The following CSMD3 variants were observed in gnomAD, a reference collection of about 807,000 sequenced individuals.
CSMD3 encodes CUB and Sushi multiple domains 3, also known as CUB and sushi domain-containing protein 3.
In CSMD3, 177 loss-of-function variants were observed where a neutral mutation model predicts 435.2. The observed-to-expected ratio is 0.41, with a 90% confidence interval of 0.36 to 0.46. The LOEUF is 0.46. Among genes scored for constraint, CSMD3 ranks in the 20% least tolerant of loss-of-function variants. CSMD3 has a pLI of 0.34. For synonymous variants in CSMD3, 1,656 were observed against 1,520.5 expected, an observed-to-expected ratio of 1.09 and a Z score of -2.07; for missense variants, 4,265 against 4,504.6, an observed-to-expected ratio of 0.95 and a Z score of 1.52.
intron 15 of CSMD3, among the ~76,000 whole-genome samples, chr8:112,684,960 T>C (rs1393603509): frequency 1.3e-5 from 2 of 152,146 alleles, no homozygotes; most frequent in Non-Finnish European, 1.5e-5. Flanking sequence ...AGCCATGTGA[T>C]TTTTTCTTTG....
At chr8:112,860,386 A>G (rs2080793663) in intron 10 of CSMD3, among the ~76,000 whole-genome samples, 1 of 151,820 alleles carries the variant, frequency 6.6e-6, no homozygotes, top group African/African-American at 2.4e-5. Flanking sequence ...ATTTTAACCA[A>G]TAAAATCATA....
chr8:112,606,196 G>C (rs540795011), intron 22 of CSMD3, among the ~76,000 whole-genome samples: 36 of 152,286 alleles, frequency 2.4e-4, no homozygotes, highest in Non-Finnish European at 4.3e-4. Context: ...CTGTACCCCA[G>C]GGTGGCACAG....
intron 3 of CSMD3, among the ~76,000 whole-genome samples, chr8:113,195,164 T>G (rs770299748): frequency 4.0e-5 from 6 of 150,486 alleles, no homozygotes; most frequent in Admixed American, 6.7e-5. Flanking sequence ...CTTTCTTTCT[T>G]ACAAAAAACA....
At chr8:112,807,924 CT>C (rs1563980883) in intron 12 of CSMD3, among the ~76,000 whole-genome samples, 1 of 152,128 alleles carries the variant, frequency 6.6e-6, no homozygotes, top group African/African-American at 2.4e-5. Flanking sequence ...AAAGTAACCC[CT>C]ATACCATACT....
At chr8:112,968,481 A>G (rs1224707188) in intron 7 of CSMD3, among the ~76,000 whole-genome samples, 8 of 151,530 alleles carry the variant, frequency 5.3e-5, no homozygotes, top group Admixed American at 5.3e-4. Context: ...AAAAAACTGA[A>G]TGTTAAATCA....
In CSMD3 at chr8:112,255,337, T is replaced by C; in HGVS notation, c.9953A>G (p.Asn3318Ser). 1 of 1,613,630 alleles carries C rather than the reference T, an allele frequency of 6.2e-7. No homozygotes were observed. The highest frequency in any genetic ancestry group is 2.2e-5 in the East Asian group (1 of 44,834). The change falls in exon 62 of 71, where the codon AAT becomes AGT. Residue 3318 changes from asparagine (N) to serine (S), a missense_variant. By Grantham distance (46) the Asn-to-Ser change is conservative (BLOSUM62 1). Transcript: ENST00000297405. ...IYQSEVSFSC[N>S]FPFILVGSST... ...TGATCCCACTAATATGAAAGGAAAA[T>C]TGCAGCTGAATGAAACCTCTGACTG...
chr8:112,284,683 T>G (rs2130612672), intron 58 of CSMD3, among the ~76,000 whole-genome samples: 1 of 152,014 alleles, frequency 6.6e-6, no homozygotes, highest in Non-Finnish European at 1.5e-5. Context: ...AAAATTACAT[T>G]TTCATAATTG....
intron 58 of CSMD3, among the ~76,000 whole-genome samples, chr8:112,282,473 G>A (rs926387404): frequency 6.6e-6 from 1 of 151,708 alleles, no homozygotes; most frequent in African/African-American, 2.4e-5. Context: ...TCCATAGCTT[G>A]ACGTAATGCA....
At chr8:113,212,744 G>C (rs569713409) in intron 3 of CSMD3, among the ~76,000 whole-genome samples, 2 of 151,756 alleles carry the variant, frequency 1.3e-5, no homozygotes, top group Non-Finnish European at 2.9e-5. Flanking sequence ...GTTGTGGGGT[G>C]GGGGAAGGGG....
At chr8:112,588,426 T>C (rs183369906) in intron 22 of CSMD3, among the ~76,000 whole-genome samples, 1 of 151,652 alleles carries the variant, frequency 6.6e-6, no homozygotes, top group African/African-American at 2.4e-5. Flanking sequence ...TAATAGCCAG[T>C]ATTACACAAT....
At chr8:112,599,095 G>A (rs1329286127) in intron 22 of CSMD3, among the ~76,000 whole-genome samples, 1 of 147,698 alleles carries the variant, frequency 6.8e-6, no homozygotes, top group Non-Finnish European at 1.5e-5. Flanking sequence ...CTACAACATG[G>A]GAGAAAATTT....
At chr8:113,403,270 A>C (rs2094518257) in intron 1 of CSMD3, among the ~76,000 whole-genome samples, 1 of 151,296 alleles carries the variant, frequency 6.6e-6, no homozygotes, top group South Asian at 2.1e-4. Context: ...TATTTCTGAA[A>C]CTCCTCTTGA....
intron 13 of CSMD3, among the ~76,000 whole-genome samples, chr8:112,722,356 C>A (rs2076877092): frequency 1.3e-5 from 2 of 151,906 alleles, no homozygotes; most frequent in Admixed American, 1.3e-4. Flanking sequence ...ATGGATTGTA[C>A]AGTAGATAAC....
intron 13 of CSMD3, among the ~76,000 whole-genome samples, chr8:112,747,469 T>C (rs2077459564): frequency 6.6e-6 from 1 of 152,054 alleles, no homozygotes; most frequent in Admixed American, 6.6e-5. Context: ...ATACGAAAGT[T>C]ACTTTTTAGC....
chr8:113,106,053 C>A (rs1383536575), intron 4 of CSMD3, among the ~76,000 whole-genome samples: 1 of 151,788 alleles, frequency 6.6e-6, no homozygotes. Context: ...GCACACTATA[C>A]CCCAGACTAA....
intron 7 of CSMD3, among the ~76,000 whole-genome samples, chr8:112,962,847 A>G (rs1442805971): frequency 1.3e-5 from 2 of 151,952 alleles, no homozygotes; most frequent in Non-Finnish European, 2.9e-5. Context: ...ATTTGATCTG[A>G]ATGGCTACAT....
intron 31 of CSMD3, among the ~76,000 whole-genome samples, chr8:112,476,199 C>T (rs1383922358): frequency 6.6e-6 from 1 of 152,056 alleles, no homozygotes. Context: ...CCATGCACTA[C>T]CACGCCAAGC....
At chr8:112,948,386 G>C (rs1267223487) in intron 8 of CSMD3, among the ~76,000 whole-genome samples, 1 of 151,996 alleles carries the variant, frequency 6.6e-6, no homozygotes, top group East Asian at 1.9e-4. Flanking sequence ...AAATACAGCA[G>C]TGGTGCAAAT....
chr8:112,492,742 T>C (rs915819290), intron 30 of CSMD3, 59 bp from the exon 31 acceptor site: 1 of 1,332,684 alleles, frequency 7.5e-7, no homozygotes. Context: ...CACTCCGTAA[T>C]ACATGGGTTC....
Sources: gnomAD v4.1 joint callset for allele counts (sites outside exome capture counted in the v4.1 genomes callset) on GRCh38, gnomAD v4.1.1 for gene constraint, MANE v1.5 for transcripts, NCBI Gene and HGNC (gene_info 2026-07-23, HGNC 2026-07-21) for gene names.